The following PCDHGA2 variants were observed in gnomAD, a reference collection of about 807,000 sequenced individuals.
PCDHGA2 encodes protocadherin gamma-A2.
Under a neutral mutation model 59.2 loss-of-function variants are expected in PCDHGA2, and 40 were observed. That is an observed-to-expected ratio of 0.68 (90% CI 0.52 to 0.88). The LOEUF is 0.88. Ranked by LOEUF, PCDHGA2 falls within the 40% of genes least tolerant of loss-of-function variation. The pLI, the probability that PCDHGA2 is intolerant of heterozygous loss-of-function variation, is 0.00. For missense variants in PCDHGA2, 1,226 were observed against 1,204.0 expected, an observed-to-expected ratio of 1.02 and a Z score of -0.27; for synonymous variants, 560 against 526.0, an observed-to-expected ratio of 1.06 and a Z score of -0.89.
Position 141,486,146 on chromosome 5 carries a change from G to A in PCDHGA2, c.2425-8661G>A, listed in dbSNP as rs533158692. The A allele has an allele frequency of 3.1e-6, 5 of 1,614,184 alleles. No homozygotes were observed. The highest frequency in any genetic ancestry group is 2.2e-5 in the East Asian group (1 of 44,876). The stretch of plus-strand genomic sequence containing the variant: ...TGAATTTGATGTGCGGGCTCGCGAT[G>A]GGGGTTCTCCAGCCATGGAGCAACA... On this transcript the variant is annotated intron_variant, in intron 1 of 3. Transcript: ENST00000394576. The surrounding 1 kb of genome is among the most constrained non-coding windows in gnomAD (Gnocchi z 5.0).
rs756993242 is a variant in PCDHGA2 at position 141,432,265 on chromosome 5, G to T, written c.2425-62542G>T. 2.5e-6 allele frequency: 4 copies of T among 1,614,210 alleles called. No homozygotes were observed. The South Asian group carries it at 3.3e-5, about 13-fold the overall frequency. ...ACACCATCCAAGGGGCAAGCCTATC[G>T]TCCTACGTGTCCATCAACTCCGACA... On this transcript the variant is annotated intron_variant, in intron 1 of 3. Coordinates refer to ENST00000394576, the MANE Select transcript of PCDHGA2 (RefSeq NM_018915.4). This position sits in a 1 kb window ranked among gnomAD's most constrained non-coding sequence, Gnocchi z 6.0.
At chr5:141,343,376 A>T in intron 1 of PCDHGA2, 2 of 982,238 alleles carry the variant, frequency 2.0e-6, no homozygotes, top group Non-Finnish European at 2.4e-6. Context: ...AGAGAGGGAA[A>T]GGTCAAAGAG....
chr5:141,472,164 G>C (rs2099273083), intron 1 of PCDHGA2, among the ~76,000 whole-genome samples: 1 of 152,158 alleles, frequency 6.6e-6, no homozygotes, highest in Non-Finnish European at 1.5e-5. Flanking sequence ...TAGCTACTAG[G>C]TGTAATATCC....
At chr5:141,371,242 A>T in intron 1 of PCDHGA2, 1 of 1,614,034 alleles carries the variant, frequency 6.2e-7, no homozygotes, top group South Asian at 1.1e-5. Context: ...GCCTTCATCA[A>T]TATTGGCAAG....
rs764919264 is a variant in PCDHGA2, at chr5:141,383,778, T to A, written c.2424+42383T>A. 2.5e-6 allele frequency: 4 copies of A among 1,614,004 alleles called. No individual in the cohort carries two copies. The South Asian group carries it at 4.4e-5, about 18-fold the overall frequency. ...CTCCTAAACTTCCAAAGATGTTTCA[T>A]CTGAACTCGCTTACAGGAGAAATAT... is the stretch of plus-strand genomic sequence containing the variant. On this transcript the variant is annotated intron_variant, in intron 1 of 3. Coordinates refer to ENST00000394576, the MANE Select transcript of PCDHGA2 (RefSeq NM_018915.4).
rs553440220 is a variant in PCDHGA2, at chr5:141,362,413, T to C, written c.2424+21018T>C. 178 of 1,614,024 alleles carry C rather than the reference T, an allele frequency of 1.1e-4. No homozygotes were observed. The highest frequency in any genetic ancestry group is 1.4e-4 in the Non-Finnish European group (170 of 1,179,892). On this transcript the variant is annotated intron_variant, in intron 1 of 3. Coordinates refer to ENST00000394576, the MANE Select transcript of PCDHGA2 (RefSeq NM_018915.4). Reference sequence around the variant, plus strand: ...CTACAACCTGTGTGTTGCCTCACAATCAGCCAAGACAGAGTTCAATTTTCT... The same window carrying C: ...CTACAACCTGTGTGTTGCCTCACAACCAGCCAAGACAGAGTTCAATTTTCT...
At chr5:141,379,736 T>G (rs1361966211) in intron 1 of PCDHGA2, 1 of 152,178 alleles carries the variant, frequency 6.6e-6, no homozygotes, top group Non-Finnish European at 1.5e-5. Context: ...AAGTTATGGC[T>G]AAATGAGGTT....
At chr5:141,384,308 C>T in intron 1 of PCDHGA2, 1 of 1,613,854 alleles carries the variant, frequency 6.2e-7, no homozygotes, top group Non-Finnish European at 8.5e-7. Context: ...AGAGGGGCCT[C>T]CATTTTCTTA....
At position 141,355,250 on chromosome 5, in the gene PCDHGA2, G is replaced by A; in HGVS notation, c.2424+13855G>A. The A allele has an allele frequency of 6.2e-7, 1 of 1,613,314 alleles. No individual in the cohort carries two copies. Among genetic ancestry groups the A allele is most frequent in the East Asian group, 2.2e-5 (1 of 44,882 alleles). On this transcript the variant is annotated intron_variant, in intron 1 of 3. Coordinates refer to ENST00000394576, the MANE Select transcript of PCDHGA2 (RefSeq NM_018915.4). Reference sequence around the variant, plus strand: ...GACCACACCCGGCTGCTCCAGATCTGCCTTCTCCTGGGGGTTCTGGTGGAA... The same window carrying A: ...GACCACACCCGGCTGCTCCAGATCTACCTTCTCCTGGGGGTTCTGGTGGAA...
chr5:141,404,974 C>A, intron 1 of PCDHGA2: 1 of 1,614,022 alleles, frequency 6.2e-7, no homozygotes, highest in South Asian at 1.1e-5. Flanking sequence ...TCCTGGCTGA[C>A]CTGGGCAGTC....
chr5:141,410,045 G>C (rs962300160), intron 1 of PCDHGA2: 1 of 1,613,166 alleles, frequency 6.2e-7, no homozygotes. Context: ...CAGTGAGCCC[G>C]GACTCTTCAG....
At position 141,431,174 on chromosome 5, in the gene PCDHGA2, G is replaced by C. The variant is rs568632160; in HGVS notation, c.2425-63633G>C. 6.2e-7 allele frequency: 1 copy of C among 1,614,224 alleles called. No individual in the cohort carries two copies. The highest frequency in any genetic ancestry group is 1.1e-5 in the South Asian group (1 of 91,088). ...GCCTTACTTTCGTGAAAGTGAATTA[G>C]AAATAAAAATTAGTGAAAATGCAGC... is the stretch of plus-strand genomic sequence containing the variant. On this transcript the variant is annotated intron_variant, in intron 1 of 3. Coordinates refer to ENST00000394576, the MANE Select transcript of PCDHGA2 (RefSeq NM_018915.4). This position sits in a 1 kb window ranked among gnomAD's most constrained non-coding sequence, Gnocchi z 4.8.
intron 1 of PCDHGA2, among the ~76,000 whole-genome samples, chr5:141,464,935 T>A (rs1157718693): frequency 6.6e-6 from 1 of 151,882 alleles, no homozygotes; most frequent in African/African-American, 2.4e-5. Flanking sequence ...AGATGTGAGG[T>A]CTCACTATGT....
At chr5:141,389,596 C>T (rs768865727) in intron 1 of PCDHGA2, 2 of 1,613,132 alleles carry the variant, frequency 1.2e-6, no homozygotes, top group Non-Finnish European at 1.7e-6. Context: ...GACGGCTCTG[C>T]GCTCTTCGAT....
intron 1 of PCDHGA2, chr5:141,412,443 T>C (rs1479281650): frequency 6.6e-6 from 1 of 152,204 alleles, no homozygotes; most frequent in Non-Finnish European, 1.5e-5. Context: ...TAATTAAGGC[T>C]CAGTAAAACT....
At chr5:141,462,996 G>A (rs2099050826) in intron 1 of PCDHGA2, among the ~76,000 whole-genome samples, 1 of 152,082 alleles carries the variant, frequency 6.6e-6, no homozygotes, top group South Asian at 2.1e-4. Flanking sequence ...GGCTAATTTA[G>A]ACCTACCACT....
chr5:141,478,038 G>A lies in PCDHGA2; in HGVS notation c.2425-16769G>A, dbSNP rs1401384720. ...CCAGTCCAAGACACAGATTCACCCA[G>A]GCAGACTCTCACGGTCTTGATCAAA... On this transcript the variant is annotated intron_variant, in intron 1 of 3. Transcript: ENST00000394576. 8 of 1,614,006 alleles carry A rather than the reference G, an allele frequency of 5.0e-6. No homozygotes were observed. In the African/African-American group the frequency reaches 1.1e-4, roughly 22 times the overall value.
intron 1 of PCDHGA2, among the ~76,000 whole-genome samples, chr5:141,439,050 A>G (rs1353548752): frequency 1.3e-5 from 2 of 151,164 alleles, no homozygotes; most frequent in Non-Finnish European, 2.9e-5. Flanking sequence ...TAAGATTTCC[A>G]TATTGTGTGG....
chr5:141,425,317 C>T (rs78746536), intron 1 of PCDHGA2, among the ~76,000 whole-genome samples: 174 of 152,168 alleles, frequency 1.1e-3, no homozygotes, highest in East Asian at 3.7e-3. Context: ...TTCCCAAGAT[C>T]GTGGAGAACA....
Sources: allele counts gnomAD v4.1 joint callset (sites outside exome capture counted in the v4.1 genomes callset), GRCh38; gene constraint gnomAD v4.1.1; non-coding constraint Gnocchi (gnomAD v3.1); transcripts MANE v1.5; gene names NCBI Gene and HGNC (gene_info 2026-07-23, HGNC 2026-07-21).